The following DIAPH2 variants were observed in gnomAD, a reference collection of about 807,000 sequenced individuals.
The protein encoded by DIAPH2 is protein diaphanous homolog 2.
Under a neutral mutation model 92.7 loss-of-function variants are expected in DIAPH2, and 35 were observed. That is an observed-to-expected ratio of 0.38 (90% CI 0.29 to 0.50). DIAPH2 has a LOEUF of 0.50. DIAPH2 is among the 20% of genes least tolerant of loss of function. The probability of loss-of-function intolerance (pLI) is 0.94; values close to 1 mark genes in which losing one functional copy is unlikely to be tolerated. For missense variants in DIAPH2, 701 were observed against 819.5 expected, an observed-to-expected ratio of 0.86 and a Z score of 1.77; for synonymous variants, 301 against 280.4, an observed-to-expected ratio of 1.07 and a Z score of -0.73.
intron 26 of DIAPH2, among the ~76,000 whole-genome samples, chrX:97,582,856 G>A (rs2071449904): frequency 9.0e-6 from 1 of 111,188 alleles, no homozygotes; most frequent in Non-Finnish European, 1.9e-5. Context: ...CATATTTCTT[G>A]GAGGCTTTGC....
At chrX:97,435,025 A>C (rs1171313019) in intron 26 of DIAPH2, among the ~76,000 whole-genome samples, 1 of 111,626 alleles carries the variant, frequency 9.0e-6, no homozygotes, top group East Asian at 2.8e-4. Context: ...AGGAGAATCC[A>C]GACATTATTG....
chrX:96,758,007 G>A (rs1289688927), intron 3 of DIAPH2, 147 bp from the exon 4 acceptor site: 10 of 443,042 alleles, frequency 2.3e-5, no homozygotes, highest in Non-Finnish European at 3.6e-5. Context: ...AAAAATAATA[G>A]CGAAGTATCC....
chrX:97,207,415 C>T (rs952958165), intron 22 of DIAPH2, among the ~76,000 whole-genome samples: 12 of 111,261 alleles, frequency 1.1e-4, no homozygotes, highest in Non-Finnish European at 2.3e-4. Flanking sequence ...GCAAGAATGG[C>T]GATGATGATG....
At chrX:96,789,909 G>A (rs1030602869) in intron 4 of DIAPH2, among the ~76,000 whole-genome samples, 14 of 110,326 alleles carry the variant, frequency 1.3e-4, no homozygotes, top group African/African-American at 4.0e-4. Flanking sequence ...TATTCAGATC[G>A]TGCAATTTTC....
At chrX:97,210,438 G>C (rs992363566) in intron 22 of DIAPH2, among the ~76,000 whole-genome samples, 1 of 111,531 alleles carries the variant, frequency 9.0e-6, no homozygotes, top group African/African-American at 3.3e-5. Context: ...AATGTCTTGA[G>C]TTAAGTACAT....
At chrX:97,005,008 A>T (rs191294857) in intron 17 of DIAPH2, among the ~76,000 whole-genome samples, 3 of 111,593 alleles carry the variant, frequency 2.7e-5, no homozygotes, top group African/African-American at 9.8e-5. Context: ...GGTTTTTATC[A>T]TGAAGGGATG....
chrX:97,440,711 G>A (rs1312807923), intron 26 of DIAPH2, among the ~76,000 whole-genome samples: 4 of 110,090 alleles, frequency 3.6e-5, no homozygotes, highest in African/African-American at 1.3e-4. Context: ...TTTTCAAAGA[G>A]AAAGAGCTTA....
intron 22 of DIAPH2, among the ~76,000 whole-genome samples, chrX:97,150,077 G>A (rs10127110): frequency 0.48 from 52,916 of 109,746 alleles, 9,188 homozygotes; most frequent in Non-Finnish European, 0.55. Context: ...TTTTAAGTGT[G>A]TAATACATTA....
At position 97,115,042 on chromosome X, in the gene DIAPH2, C is replaced by T. The variant is rs751683932; in HGVS notation, c.2589+77C>T. The T allele has an allele frequency of 2.6e-5, 25 of 946,832 alleles. No homozygotes were observed. In the East Asian group the frequency reaches 5.4e-4, roughly 20 times the overall value. The allele number at this position is 946,832 out of a possible 1,213,427, so 78.0% of individuals were successfully genotyped here. A position where few individuals can be genotyped will look rare whatever the true frequency, so the allele number is the denominator to read the frequency against. ...GAAAGGTGATACTGCAAATAGCAAT[C>T]GTACATAAACCACAAAATTGTATGC... On this transcript the variant is annotated intron_variant, in intron 21 of 26. Coordinates refer to ENST00000324765, the MANE Select transcript of DIAPH2 (RefSeq NM_006729.5).
At chrX:97,465,122 C>T (rs769762714) in intron 26 of DIAPH2, among the ~76,000 whole-genome samples, 4 of 111,559 alleles carry the variant, frequency 3.6e-5, no homozygotes, top group African/African-American at 1.3e-4. Flanking sequence ...GCTGGGATTA[C>T]AGGCATGAGC....
intron 16 of DIAPH2, among the ~76,000 whole-genome samples, chrX:96,962,853 G>A (rs1051385662): frequency 9.1e-6 from 1 of 110,009 alleles, no homozygotes; most frequent in African/African-American, 3.3e-5. Context: ...CTTTGTTATT[G>A]TTTATCCATG....
intron 4 of DIAPH2, among the ~76,000 whole-genome samples, chrX:96,812,247 G>T (rs1044780694): frequency 8.9e-6 from 1 of 111,735 alleles, no homozygotes; most frequent in African/African-American, 3.3e-5. Flanking sequence ...GTTTAGTCTT[G>T]GGAGGGTGTA....
At chrX:97,062,195 T>C (rs1299097933) in intron 17 of DIAPH2, among the ~76,000 whole-genome samples, 2 of 111,934 alleles carry the variant, frequency 1.8e-5, no homozygotes, top group Non-Finnish European at 3.8e-5. Flanking sequence ...TTGTCATTCC[T>C]ATGAGACCAA....
At chrX:96,752,795 G>A (rs866407770) in intron 3 of DIAPH2, among the ~76,000 whole-genome samples, 1 of 111,675 alleles carries the variant, frequency 9.0e-6, no homozygotes, top group Non-Finnish European at 1.9e-5. Context: ...AAAACATAAG[G>A]GGTAAGATGA....
chrX:97,408,398 T>A (rs2147756038), intron 25 of DIAPH2, among the ~76,000 whole-genome samples: 1 of 102,160 alleles, frequency 9.8e-6, no homozygotes, highest in East Asian at 3.3e-4. Context: ...AAAGGTTAGA[T>A]TCAATTAAAT....
At chrX:97,368,914 T>TTTTG (rs1239881836) in intron 24 of DIAPH2, among the ~76,000 whole-genome samples, 3 of 89,686 alleles carry the variant, frequency 3.3e-5, no homozygotes, top group African/African-American at 1.2e-4. Context: ...TTTTTTTTTT[T>TTTTG]TTTTTTTTGA....
chrX:97,552,336 T>C (rs914393127), intron 26 of DIAPH2, among the ~76,000 whole-genome samples: 1 of 111,741 alleles, frequency 8.9e-6, no homozygotes, highest in African/African-American at 3.2e-5. Context: ...GAAGTCAACA[T>C]AGGAAAAAAC....
At chrX:97,000,144 A>G (rs1033322638) in intron 17 of DIAPH2, among the ~76,000 whole-genome samples, 6 of 112,337 alleles carry the variant, frequency 5.3e-5, no homozygotes, top group African/African-American at 1.9e-4. Context: ...CTATGTATTT[A>G]TACACCTAAA....
intron 22 of DIAPH2, among the ~76,000 whole-genome samples, chrX:97,206,459 T>C (rs1183628904): frequency 8.9e-6 from 1 of 112,247 alleles, no homozygotes; most frequent in Non-Finnish European, 1.9e-5. Context: ...ATTGTGAATA[T>C]AGTTATCATG....
Sources: allele counts gnomAD v4.1 joint callset (sites outside exome capture counted in the v4.1 genomes callset), GRCh38; gene constraint gnomAD v4.1.1; transcripts MANE v1.5; gene names NCBI Gene and HGNC (gene_info 2026-07-23, HGNC 2026-07-21).